XKR6: variants seen among roughly 807,000 people sequenced by gnomAD.
The protein encoded by XKR6 is XK-related protein 6.
A neutral mutation model predicts 56.7 loss-of-function variants in XKR6; 22 were observed. The observed-to-expected ratio is 0.39, with a 90% CI of 0.28 to 0.55. The LOEUF is 0.55. Ranked by LOEUF, XKR6 falls within the 20% of genes least tolerant of loss-of-function variation. XKR6 has a pLI of 0.66. For missense variants in XKR6, 852 were observed against 889.0 expected, an observed-to-expected ratio of 0.96 and a Z score of 0.53; for synonymous variants, 524 against 387.8, an observed-to-expected ratio of 1.35 and a Z score of -4.13.
At chr8:10,946,067 G>A (rs1170460739) in intron 1 of XKR6, among the ~76,000 whole-genome samples, 2 of 151,944 alleles carry the variant, frequency 1.3e-5, no homozygotes, top group African/African-American at 2.4e-5. Context: ...TGCCATGCCC[G>A]TGATGGGAAG....
chr8:10,954,660 A>C (rs904277515), intron 1 of XKR6, among the ~76,000 whole-genome samples: 4 of 152,094 alleles, frequency 2.6e-5, no homozygotes, highest in African/African-American at 9.7e-5. Flanking sequence ...TTTAATTTTG[A>C]TGAAGTCTTA....
chr8:11,185,757 C>A (rs1052810196), intron 1 of XKR6, among the ~76,000 whole-genome samples: 1 of 152,196 alleles, frequency 6.6e-6, no homozygotes, highest in African/African-American at 2.4e-5. Context: ...GGCTACAATA[C>A]TTTTCATTGA....
At chr8:11,118,565 A>G (rs1272542907) in intron 1 of XKR6, among the ~76,000 whole-genome samples, 3 of 152,074 alleles carry the variant, frequency 2.0e-5, no homozygotes, top group African/African-American at 7.2e-5. Flanking sequence ...GCATTTATCC[A>G]TTTCTTCTAG....
intron 1 of XKR6, among the ~76,000 whole-genome samples, chr8:11,037,926 C>T (rs372051786): frequency 6.6e-6 from 1 of 150,864 alleles, no homozygotes; most frequent in African/African-American, 2.4e-5. Flanking sequence ...ACTCGGGAGG[C>T]TGAGGCAGGA....
intron 2 of XKR6, among the ~76,000 whole-genome samples, chr8:10,912,800 A>G (rs1339820350): frequency 2.0e-5 from 3 of 148,400 alleles, no homozygotes; most frequent in Non-Finnish European, 4.5e-5. Context: ...GCATATATAT[A>G]GAGAGAGAGG....
chr8:11,087,284 AC>A (rs1455762003), intron 1 of XKR6, among the ~76,000 whole-genome samples: 4 of 152,184 alleles, frequency 2.6e-5, no homozygotes, highest in Non-Finnish European at 5.9e-5. Flanking sequence ...CTATTGGTGA[AC>A]CGTCCACATG....
chr8:11,031,172 A>C (rs554001444), intron 1 of XKR6, among the ~76,000 whole-genome samples: 2 of 152,346 alleles, frequency 1.3e-5, no homozygotes, highest in East Asian at 3.9e-4. Context: ...TGGGCCAATC[A>C]GAATCTGGTA....
In XKR6 at chr8:11,201,492, G is replaced by T. The variant is rs1804245346; in HGVS notation, c.-153C>A. On this transcript the variant is annotated 5_prime_UTR_variant, in exon 1 of 3. Transcript: ENST00000416569. ...AACGAACGAGGGGGGAGTGGGCCAGGGAACCCCCTCCGCTTCCGGGTAGTT... is the reference window on the plus strand; with the variant it reads ...AACGAACGAGGGGGGAGTGGGCCAGTGAACCCCCTCCGCTTCCGGGTAGTT... The T allele has an allele frequency of 5.3e-6, 3 of 565,930 alleles. No individual in the cohort carries two copies. The South Asian group carries it at 6.3e-5, about 12-fold the overall frequency. 35.1% of individuals were successfully genotyped at this position (565,930 alleles called of 1,614,324 possible). A position where few individuals can be genotyped will look rare whatever the true frequency, so the allele number is the denominator to read the frequency against.
intron 1 of XKR6, among the ~76,000 whole-genome samples, chr8:11,144,949 G>A (rs1004903041): frequency 2.0e-5 from 3 of 148,102 alleles, no homozygotes; most frequent in Non-Finnish European, 4.5e-5. Flanking sequence ...GAGGAAAGAA[G>A]GGAGAGAAGG....
At chr8:11,183,158 G>A (rs193133831) in intron 1 of XKR6, among the ~76,000 whole-genome samples, 1 of 152,318 alleles carries the variant, frequency 6.6e-6, no homozygotes, top group Admixed American at 6.5e-5. Context: ...ACTGTGAATA[G>A]TGCTGCTATG....
At chr8:10,987,411 G>A (rs534739449) in intron 1 of XKR6, among the ~76,000 whole-genome samples, 9 of 152,302 alleles carry the variant, frequency 5.9e-5, no homozygotes, top group Admixed American at 3.9e-4. Flanking sequence ...AAACCACAGA[G>A]TCAACTTTGA....
At chr8:11,147,764 T>C (rs540970000) in intron 1 of XKR6, among the ~76,000 whole-genome samples, 2 of 151,922 alleles carry the variant, frequency 1.3e-5, no homozygotes, top group East Asian at 1.9e-4. Context: ...ACACACCTAA[T>C]AGAAAGGCTG....
chr8:10,917,686 G>A (rs1032893274), intron 2 of XKR6, among the ~76,000 whole-genome samples: 4 of 152,122 alleles, frequency 2.6e-5, no homozygotes, highest in Admixed American at 1.3e-4. Context: ...TCCTCTGAGG[G>A]TTCCTGGGGT....
In XKR6 at chr8:10,991,391, G is replaced by C. The variant is rs111483397; in HGVS notation, c.765-66561C>G. Among the ~76,000 whole-genome samples, 398 of 152,268 alleles carry C rather than the reference G, an allele frequency of 2.6e-3. 3 individuals are homozygous for C. The highest frequency in any genetic ancestry group is 8.8e-3 in the African/African-American group (367 of 41,542). On this transcript the variant is annotated intron_variant, in intron 1 of 2. Coordinates refer to ENST00000416569, the MANE Select transcript of XKR6 (RefSeq NM_173683.4). ...ACTGCCTCTTTCACTTTGGATTCCA[G>C]TTAGCTCTTCCTTGCTTACTTGGTT...
At chr8:11,143,520 A>G (rs1363590217) in intron 1 of XKR6, among the ~76,000 whole-genome samples, 1 of 152,230 alleles carries the variant, frequency 6.6e-6, no homozygotes, top group Non-Finnish European at 1.5e-5. Context: ...AAATAGCTGG[A>G]GTGATACCTA....
rs372691073 is a variant in XKR6 at position 10,898,289 on chromosome 8, G to A, written c.1589C>T (p.Ala530Val). ...CCCCCGGTACCCAGGGATCTCAGGC[G>A]CCATGGGCTCAACATCGGGGGGCAA... ...IPLPPDVEPM[A>V]PEIPGYRGTQ... The change falls in exon 3 of 3, where the codon GCG becomes GTG. Residue 530 changes from alanine to valine, a missense_variant. By Grantham distance (64) the Ala-to-Val change is moderately conservative. Transcript: ENST00000416569. This position sits in a 1 kb window ranked among gnomAD's most constrained non-coding sequence, Gnocchi z 6.6. 4.5e-5 allele frequency: 73 copies of A among 1,613,960 alleles called. No homozygotes were observed. Among genetic ancestry groups the A allele is most frequent in the Admixed American group, 8.3e-5 (5 of 60,002 alleles).
At chr8:11,060,929 T>A (rs552777651) in intron 1 of XKR6, among the ~76,000 whole-genome samples, 3 of 152,108 alleles carry the variant, frequency 2.0e-5, no homozygotes, top group Admixed American at 6.5e-5. Context: ...TTATCCCCTA[T>A]CCCCATTTTA....
intron 1 of XKR6, among the ~76,000 whole-genome samples, chr8:11,033,906 C>A (rs1484932342): frequency 1.3e-5 from 2 of 152,278 alleles, no homozygotes; most frequent in South Asian, 2.1e-4. Context: ...TCTCATTTTA[C>A]AAATGAGGAA....
chr8:11,084,146 G>A (rs1035332168), intron 1 of XKR6, among the ~76,000 whole-genome samples: 1 of 152,204 alleles, frequency 6.6e-6, no homozygotes, highest in Non-Finnish European at 1.5e-5. Flanking sequence ...GATTGCCTGG[G>A]TATCTTCCAG....
Sources: allele counts gnomAD v4.1 joint callset (sites outside exome capture counted in the v4.1 genomes callset), GRCh38; gene constraint gnomAD v4.1.1; non-coding constraint Gnocchi (gnomAD v3.1); transcripts MANE v1.5; gene names NCBI Gene and HGNC (gene_info 2026-07-23, HGNC 2026-07-21).